Variants in SF3B3 observed in about 807,000 individuals in gnomAD.
The protein encoded by SF3B3 is splicing factor 3b subunit 3, also known as SAP 130.
A neutral mutation model predicts 139.2 loss-of-function variants in SF3B3; 33 were observed. The ratio of observed to expected loss-of-function variants is 0.24; its 90% CI spans 0.18 to 0.32. The LOEUF (loss-of-function observed/expected upper bound fraction) is 0.32, where lower values mean the gene tolerates loss of function less well. Among genes scored for constraint, SF3B3 ranks in the 10% least tolerant of loss-of-function variants. The pLI, the probability that SF3B3 is intolerant of heterozygous loss-of-function variation, is 1.00. For synonymous variants in SF3B3, 596 were observed against 563.6 expected (o/e 1.06, Z -0.81); for missense variants, 818 against 1,509.4 (o/e 0.54, Z 7.59).
At position 70,550,607 on chromosome 16, in the gene SF3B3, TG is replaced by T. The variant is rs1183335764; in HGVS notation, c.1402+2166del. The stretch of plus-strand genomic sequence containing the variant: ...AATACTAACCTTGGCTGGTACTTGG[TG>T]ATGCACACTACCAATACCAAGCCTT... On this transcript the variant is annotated intron_variant, in intron 11 of 25. Coordinates refer to ENST00000302516, the MANE Select transcript of SF3B3 (RefSeq NM_012426.5). 3.1e-6 allele frequency: 3 copies of T among 974,504 alleles called. No homozygotes were observed. The African/African-American group carries it at 5.3e-5, about 17-fold the overall frequency. 60.4% of individuals were successfully genotyped at this position (974,504 alleles called of 1,614,324 possible).
At chr16:70,554,098 T>A (rs2050357183) in intron 11 of SF3B3, 1 of 166,858 alleles carries the variant, frequency 6.0e-6, no homozygotes, top group South Asian at 1.6e-4. Context: ...GTTGTGTGAT[T>A]GACAACTGGC....
In SF3B3 at chr16:70,572,672, G is replaced by A. The variant is rs1306539127; in HGVS notation, c.*859G>A. The A allele has an allele frequency of 1.3e-5, 2 of 153,324 alleles. No homozygotes were observed. Among genetic ancestry groups the A allele is most frequent in the African/African-American group, 4.8e-5 (2 of 41,406 alleles). The allele number at this position is 153,324 out of a possible 1,614,324, so 9.5% of individuals were successfully genotyped here. On this transcript the variant is annotated 3_prime_UTR_variant, in exon 26 of 26. Coordinates refer to ENST00000302516, the MANE Select transcript of SF3B3 (RefSeq NM_012426.5). ...TGATACAGCACCTAAAGCGATCTTTGGCTCCATAGGACCATAGGAAGGGTC... is the reference window on the plus strand; with the variant it reads ...TGATACAGCACCTAAAGCGATCTTTAGCTCCATAGGACCATAGGAAGGGTC...
chr16:70,568,909 A>G, intron 22 of SF3B3, 134 bp from the exon 23 acceptor site: 2 of 608,350 alleles, frequency 3.3e-6, no homozygotes, highest in South Asian at 4.3e-5. Context: ...CAGGTGCAGG[A>G]CACGTGGGCT....
chr16:70,534,806 T>A (rs1333181951), intron 5 of SF3B3, among the ~76,000 whole-genome samples: 1 of 152,054 alleles, frequency 6.6e-6, no homozygotes, highest in African/African-American at 2.4e-5. Context: ...GTAGCTGGGA[T>A]TACAGGCGCC....
In SF3B3 at chr16:70,539,184, T is replaced by A; in HGVS notation, c.1044T>A (p.Phe348Leu). Residue 348 changes from phenylalanine (F) to leucine (L), a missense_variant, in exon 8 of 26, where the codon TTT (phenylalanine) becomes TTA (leucine). By Grantham distance (22) the Phe-to-Leu change is conservative (BLOSUM62 0). Around this residue, in one of 14 missense-constraint regions of SF3B3, gnomAD observed 80 missense variants for 206.5 expected, o/e 0.39. Coordinates refer to ENST00000302516, the MANE Select transcript of SF3B3 (RefSeq NM_012426.5). ...GTGTGCTTAAAACAGGGTTCCTTTTTGTAGCATCAGAATTTGGAAACCAGT... is the reference window on the plus strand; with the variant it reads ...GTGTGCTTAAAACAGGGTTCCTTTTAGTAGCATCAGAATTTGGAAACCAGT... ...AMCVLKTGFL[F>L]VASEFGNHYL... The A allele has an allele frequency of 1.2e-6, 2 of 1,613,624 alleles. No homozygotes were observed. Among genetic ancestry groups the A allele is most frequent in the Non-Finnish European group, 1.7e-6 (2 of 1,179,498 alleles).
intron 22 of SF3B3, among the ~76,000 whole-genome samples, chr16:70,568,778 T>C (rs2050501154): frequency 6.6e-6 from 1 of 152,246 alleles, no homozygotes; most frequent in South Asian, 2.1e-4. Flanking sequence ...ATAAGAACTT[T>C]GGAATGTCTG....
In SF3B3 at chr16:70,572,236, A is replaced by G. The variant is rs2050536518; in HGVS notation, c.*423A>G. 2.4e-6 allele frequency: 1 copy of G among 415,298 alleles called. No homozygotes were observed. The highest frequency in any genetic ancestry group is 4.8e-6 in the Non-Finnish European group (1 of 209,380). The allele number at this position is 415,298 out of a possible 1,614,324, so 25.7% of individuals were successfully genotyped here. A position where few individuals can be genotyped will look rare whatever the true frequency, so the allele number is the denominator to read the frequency against. On this transcript the variant is annotated 3_prime_UTR_variant, in exon 26 of 26. Coordinates refer to ENST00000302516, the MANE Select transcript of SF3B3 (RefSeq NM_012426.5). ...GTGGTGGGACTGGGTAGGGTATAGT[A>G]TCACTCCTGAGTTCCACTGCTCTAG... is the stretch of plus-strand genomic sequence containing the variant.
At chr16:70,567,567 A>C in intron 21 of SF3B3, 31 bp downstream of exon 21, 1 of 1,603,922 alleles carries the variant, frequency 6.2e-7, no homozygotes, top group Non-Finnish European at 8.5e-7. Flanking sequence ...GCTGAGATCT[A>C]GCTCATGTGT....
intron 1 of SF3B3, among the ~76,000 whole-genome samples, chr16:70,525,190 C>T (rs892272590): frequency 6.6e-6 from 1 of 151,950 alleles, no homozygotes; most frequent in Admixed American, 6.6e-5. Context: ...CCACCGCGCC[C>T]GGCTAGTTTT....
intron 11 of SF3B3, among the ~76,000 whole-genome samples, chr16:70,553,634 G>T (rs2050350542): frequency 6.6e-6 from 1 of 152,190 alleles, no homozygotes. Context: ...TGCAGAAGCT[G>T]TTGTATGTTG....
intron 5 of SF3B3, 128 bp downstream of exon 5, chr16:70,532,748 G>A: frequency 2.2e-6 from 2 of 894,236 alleles, no homozygotes; most frequent in Admixed American, 2.4e-5. Context: ...TTATCTTTTG[G>A]ACAGGTTAGA....
chr16:70,571,564 C>G, intron 25 of SF3B3, 109 bp from the exon 26 acceptor site: 1 of 1,263,002 alleles, frequency 7.9e-7, no homozygotes. Context: ...GACCCTGTCT[C>G]AAAAACTAAA....
chr16:70,547,814 T>C (rs2050283368), intron 10 of SF3B3, among the ~76,000 whole-genome samples: 1 of 152,148 alleles, frequency 6.6e-6, no homozygotes, highest in African/African-American at 2.4e-5. Context: ...GGTCTTGAAC[T>C]CCTGACCTAA....
At chr16:70,563,063 G>A (rs1597722257) in intron 17 of SF3B3, among the ~76,000 whole-genome samples, 1 of 152,256 alleles carries the variant, frequency 6.6e-6, no homozygotes, top group Non-Finnish European at 1.5e-5. Context: ...GAGCTCCTGG[G>A]CTCAAGAGAT....
intron 22 of SF3B3, 87 bp downstream of exon 22, chr16:70,568,582 T>A: frequency 9.7e-7 from 1 of 1,034,300 alleles, no homozygotes; most frequent in Non-Finnish European, 1.5e-6. Context: ...AGGAATCAAA[T>A]CTGAGAAGTA....
At chr16:70,538,620 C>T (rs138859495) in intron 7 of SF3B3, among the ~76,000 whole-genome samples, 160 bp downstream of exon 7, 1 of 152,246 alleles carries the variant, frequency 6.6e-6, no homozygotes, top group East Asian at 1.9e-4. Flanking sequence ...GATTTTTGGT[C>T]TAGTAATCTT....
intron 5 of SF3B3, among the ~76,000 whole-genome samples, chr16:70,533,148 G>T (rs2050136719): frequency 6.6e-6 from 1 of 152,150 alleles, no homozygotes; most frequent in African/African-American, 2.4e-5. Context: ...GGATTTTCAG[G>T]AAAGCTTTTA....
Position 70,571,884 on chromosome 16 carries a change from G to C in SF3B3, c.*71G>C. 1 of 1,535,430 alleles carries C rather than the reference G, an allele frequency of 6.5e-7. No homozygotes were observed. The highest frequency in any genetic ancestry group is 8.8e-7 in the Non-Finnish European group (1 of 1,138,198). ...TCCCCCACCACCATCACTGCCACCT[G>C]GCTTCTGCCATGTGGCAGGAGGGTG... On this transcript the variant is annotated 3_prime_UTR_variant, in exon 26 of 26. Transcript: ENST00000302516.
At chr16:70,539,005 T>A in intron 7 of SF3B3, 99 bp from the exon 8 acceptor site, 1 of 885,358 alleles carries the variant, frequency 1.1e-6, no homozygotes, top group South Asian at 1.3e-5. Context: ...TGGTCAGATA[T>A]GAAATACAGT....
Sources: gnomAD v4.1 joint callset for allele counts (sites outside exome capture counted in the v4.1 genomes callset) on GRCh38, gnomAD v4.1.1 for gene constraint, gnomAD v4.1.1 regional missense constraint, MANE v1.5 for transcripts, NCBI Gene and HGNC (gene_info 2026-07-23, HGNC 2026-07-21) for gene names.